Variants in COL25A1 observed in about 807,000 individuals in gnomAD.
COL25A1 encodes collagen alpha-1(XXV) chain.
Under a neutral mutation model 128.4 loss-of-function variants are expected in COL25A1, and 103 were observed. The observed-to-expected ratio is 0.80, with a 90% CI of 0.68 to 0.94. COL25A1 has a LOEUF of 0.94. Ranked by LOEUF, COL25A1 falls within the 40% of genes least tolerant of loss-of-function variation. The pLI, the probability that COL25A1 is intolerant of heterozygous loss-of-function variation, is 0.00. For synonymous variants in COL25A1, 279 were observed against 277.2 expected (o/e 1.01, Z -0.06); for missense variants, 745 against 840.0 (o/e 0.89, Z 1.40).
intron 3 of COL25A1, among the ~76,000 whole-genome samples, chr4:109,145,787 GCCAAGATCGCACCA>G (rs1770884769): frequency 6.6e-6 from 1 of 152,112 alleles, no homozygotes; most frequent in Non-Finnish European, 1.5e-5. Context: ...GTTGCAGTGA[GCCAAGATCGCACCA>G]TTGCACTCTA....
At chr4:108,996,289 GAAAAAA>G (rs1237222386) in intron 6 of COL25A1, among the ~76,000 whole-genome samples, 1 of 13,670 alleles carries the variant, frequency 7.3e-5, no homozygotes, top group African/African-American at 1.2e-4. Flanking sequence ...AAGCAAATGG[GAAAAAA>G]AAAAAAAAAA....
intron 3 of COL25A1, among the ~76,000 whole-genome samples, chr4:109,063,579 C>T (rs1426042957): frequency 6.6e-6 from 1 of 151,666 alleles, no homozygotes; most frequent in African/African-American, 2.4e-5. Flanking sequence ...CAGTGGTTCA[C>T]ATCTGCAATC....
intron 13 of COL25A1, among the ~76,000 whole-genome samples, chr4:108,911,393 C>T (rs1280740264): frequency 2.0e-5 from 3 of 147,452 alleles, no homozygotes; most frequent in Admixed American, 6.9e-5. Flanking sequence ...GGCCAGGGAG[C>T]CCTGTGCTTT....
intron 8 of COL25A1, among the ~76,000 whole-genome samples, chr4:108,957,144 C>T (rs371032312): frequency 6.6e-6 from 1 of 152,078 alleles, no homozygotes; most frequent in Admixed American, 6.5e-5. Context: ...TCCAGGCCCA[C>T]CTGGATAAAT....
At chr4:108,849,120 G>C (rs1017250616) in intron 26 of COL25A1, among the ~76,000 whole-genome samples, 8 of 152,116 alleles carry the variant, frequency 5.3e-5, no homozygotes, top group African/African-American at 1.9e-4. Context: ...ATATCCTATA[G>C]CAACAACCTA....
chr4:109,302,196 C>G lies in COL25A1; in HGVS notation c.-84G>C, dbSNP rs1301920851. Reference sequence around the variant, plus strand: ...CTGCCTTGCTCAGCGTCCAGACCCGCAGGCGTGCACCATCCCCGCTTTCTT... The same window carrying G: ...CTGCCTTGCTCAGCGTCCAGACCCGGAGGCGTGCACCATCCCCGCTTTCTT... On this transcript the variant is annotated 5_prime_UTR_variant, in exon 1 of 38. Coordinates refer to ENST00000399132, the MANE Select transcript of COL25A1 (RefSeq NM_198721.4). 2 of 726,594 alleles carry G rather than the reference C, an allele frequency of 2.8e-6. No individual in the cohort carries two copies. 45.0% of individuals were successfully genotyped at this position (726,594 alleles called of 1,614,324 possible).
intron 13 of COL25A1, among the ~76,000 whole-genome samples, chr4:108,917,212 T>C (rs1209918953): frequency 2.0e-5 from 3 of 152,128 alleles, no homozygotes; most frequent in Non-Finnish European, 4.4e-5. Context: ...AAAATTGTGG[T>C]TGTTTATGTC....
At chr4:108,935,222 G>T (rs1481010101) in intron 11 of COL25A1, among the ~76,000 whole-genome samples, 1 of 152,160 alleles carries the variant, frequency 6.6e-6, no homozygotes, top group Non-Finnish European at 1.5e-5. Flanking sequence ...AGACACAAAA[G>T]TGTACATACT....
intron 3 of COL25A1, among the ~76,000 whole-genome samples, chr4:109,119,095 T>C (rs1767878361): frequency 1.3e-5 from 2 of 152,004 alleles, no homozygotes; most frequent in African/African-American, 4.8e-5. Flanking sequence ...TTAAACAATA[T>C]ACTTCTAAAT....
At chr4:109,211,856 A>G (rs1777586708) in intron 3 of COL25A1, among the ~76,000 whole-genome samples, 1 of 152,074 alleles carries the variant, frequency 6.6e-6, no homozygotes, top group South Asian at 2.1e-4. Context: ...CATGTTGACC[A>G]ATGTGTAATA....
chr4:109,269,707 G>GT (rs902581738), intron 3 of COL25A1, among the ~76,000 whole-genome samples: 1 of 152,026 alleles, frequency 6.6e-6, no homozygotes, highest in African/African-American at 2.4e-5. Flanking sequence ...TTTTTCATGT[G>GT]TTTTTTGGCT....
intron 3 of COL25A1, among the ~76,000 whole-genome samples, chr4:109,263,299 C>T (rs1781570916): frequency 6.6e-6 from 1 of 152,126 alleles, no homozygotes; most frequent in Non-Finnish European, 1.5e-5. Context: ...TCACTGAATT[C>T]AGTACTAAAC....
chr4:109,148,722 G>A (rs113000475), intron 3 of COL25A1, among the ~76,000 whole-genome samples: 36 of 152,024 alleles, frequency 2.4e-4, no homozygotes, highest in South Asian at 1.5e-3. Flanking sequence ...GCTCCTTATC[G>A]CCACCCTTCA....
intron 3 of COL25A1, among the ~76,000 whole-genome samples, chr4:109,285,614 G>A (rs1341901188): frequency 6.6e-6 from 1 of 152,218 alleles, no homozygotes; most frequent in Non-Finnish European, 1.5e-5. Flanking sequence ...GAAGCTGAAT[G>A]CTGACTCGAG....
chr4:109,195,586 A>G (rs981556390), intron 3 of COL25A1, among the ~76,000 whole-genome samples: 2 of 152,208 alleles, frequency 1.3e-5, no homozygotes, highest in Non-Finnish European at 2.9e-5. Flanking sequence ...GGGAGAACCA[A>G]GTTGAACATG....
chr4:108,933,802 A>C (rs111546306), intron 11 of COL25A1, among the ~76,000 whole-genome samples: 4,405 of 152,102 alleles, frequency 0.029, 97 homozygotes, highest in Middle Eastern at 0.058. Flanking sequence ...ACCACTAAGT[A>C]GTTCTAAAAC....
chr4:109,183,792 A>G (rs140695259), intron 3 of COL25A1, among the ~76,000 whole-genome samples: 260 of 152,258 alleles, frequency 1.7e-3, no homozygotes, highest in African/African-American at 6.2e-3. Context: ...GCTTTTAATA[A>G]TAGCTAAAAT....
At chr4:109,021,101 C>A (rs1290313202) in intron 5 of COL25A1, among the ~76,000 whole-genome samples, 1 of 152,218 alleles carries the variant, frequency 6.6e-6, no homozygotes, top group Non-Finnish European at 1.5e-5. Context: ...AACCAATACT[C>A]TACTGTGTAC....
intron 18 of COL25A1, among the ~76,000 whole-genome samples, chr4:108,885,533 T>C (rs946804765): frequency 5.3e-5 from 8 of 152,222 alleles, no homozygotes; most frequent in African/African-American, 1.9e-4. Flanking sequence ...GAACTTGTTA[T>C]TCCATTCAAA....
Sources: gnomAD v4.1 joint callset for allele counts (sites outside exome capture counted in the v4.1 genomes callset) on GRCh38, gnomAD v4.1.1 for gene constraint, MANE v1.5 for transcripts, NCBI Gene and HGNC (gene_info 2026-07-23, HGNC 2026-07-21) for gene names.